KCNB2: variants seen among roughly 807,000 people sequenced by gnomAD.
The protein encoded by KCNB2 is delayed rectifier potassium channel protein.
A neutral mutation model predicts 61.5 loss-of-function variants in KCNB2; 15 were observed. The ratio of observed to expected loss-of-function variants is 0.24; its 90% CI spans 0.16 to 0.38. The LOEUF is 0.38. KCNB2 is among the 10% of genes least tolerant of loss of function. KCNB2 has a pLI of 1.00. For missense variants in KCNB2, 828 were observed against 1,125.2 expected (o/e 0.74, Z 3.78); for synonymous variants, 457 against 446.0 (o/e 1.02, Z -0.31).
intron 2 of KCNB2, among the ~76,000 whole-genome samples, chr8:72,808,773 A>G (rs1455801492): frequency 6.6e-6 from 1 of 152,078 alleles, no homozygotes; most frequent in East Asian, 1.9e-4. Context: ...CTCCTTATCT[A>G]TCTAGTTCAG....
At chr8:72,558,251 T>C (rs1217493674) in intron 1 of KCNB2, among the ~76,000 whole-genome samples, 1 of 152,236 alleles carries the variant, frequency 6.6e-6, no homozygotes, top group Non-Finnish European at 1.5e-5. Context: ...GCTTGCATGC[T>C]TGTAGAATAT....
At chr8:72,754,333 C>T (rs1260662476) in intron 2 of KCNB2, among the ~76,000 whole-genome samples, 1 of 152,186 alleles carries the variant, frequency 6.6e-6, no homozygotes, top group East Asian at 1.9e-4. Flanking sequence ...CTAGGTCTAA[C>T]TCAAGACATG....
At chr8:72,922,724 T>C (rs1391255805) in intron 2 of KCNB2, among the ~76,000 whole-genome samples, 2 of 152,194 alleles carry the variant, frequency 1.3e-5, no homozygotes, top group Non-Finnish European at 2.9e-5. Flanking sequence ...ACACAAACTT[T>C]GGAGGGACAT....
Position 72,937,502 on chromosome 8 carries a change from A to G in KCNB2, c.2147A>G (p.Lys716Arg). 6.2e-7 allele frequency: 1 copy of G among 1,613,954 alleles called. No individual in the cohort carries two copies. Among genetic ancestry groups the G allele is most frequent in the Non-Finnish European group, 8.5e-7 (1 of 1,179,974 alleles). The change falls in exon 3 of 3, where the codon AAA becomes AGA. Residue 716 changes from lysine to arginine, a missense_variant. Around this residue, in one of 4 missense-constraint regions of KCNB2, gnomAD observed 559 missense variants for 588.4 expected, o/e 0.95. Coordinates refer to ENST00000523207, the MANE Select transcript of KCNB2 (RefSeq NM_004770.3). ...AACCCACTAAAGTCCAGATCCCTCA[A>G]AGTGAACTTTAAGGAAAATAGAGGC... ...GSNPLKSRSL[K>R]VNFKENRGSA...
At chr8:72,680,824 G>A (rs1288748617) in intron 2 of KCNB2, among the ~76,000 whole-genome samples, 1 of 152,180 alleles carries the variant, frequency 6.6e-6, no homozygotes, top group Non-Finnish European at 1.5e-5. Flanking sequence ...TCACTACTAT[G>A]GGCTGCTGGG....
intron 2 of KCNB2, among the ~76,000 whole-genome samples, chr8:72,666,336 GA>G (rs57922558): frequency 0.25 from 38,033 of 151,912 alleles, 8,174 homozygotes; most frequent in African/African-American, 0.59. Flanking sequence ...TTAAAAGAGG[GA>G]AAAAAGGCCC....
chr8:72,628,752 A>T (rs1334708354), intron 2 of KCNB2, among the ~76,000 whole-genome samples: 1 of 152,196 alleles, frequency 6.6e-6, no homozygotes, highest in African/African-American at 2.4e-5. Flanking sequence ...ATTTGGGAAT[A>T]GGCCGAGCCC....
chr8:72,907,630 A>G (rs1352139322), intron 2 of KCNB2, among the ~76,000 whole-genome samples: 1 of 152,194 alleles, frequency 6.6e-6, no homozygotes, highest in Non-Finnish European at 1.5e-5. Context: ...ATTCTCTAAC[A>G]CAAAAATGTT....
intron 2 of KCNB2, among the ~76,000 whole-genome samples, chr8:72,901,548 C>T (rs1806093793): frequency 6.6e-6 from 1 of 151,848 alleles, no homozygotes; most frequent in African/African-American, 2.4e-5. Context: ...CCACTATAAT[C>T]TATGAAGATC....
chr8:72,920,465 C>A (rs57446749), intron 2 of KCNB2, among the ~76,000 whole-genome samples: 36,924 of 62,552 alleles, frequency 0.59, 12,168 homozygotes, highest in Non-Finnish European at 0.71. Flanking sequence ...ATCTATCTAT[C>A]TATCTATCTA....
chr8:72,825,284 A>C (rs1809578873), intron 2 of KCNB2, among the ~76,000 whole-genome samples: 1 of 152,168 alleles, frequency 6.6e-6, no homozygotes, highest in Non-Finnish European at 1.5e-5. Flanking sequence ...CATTTTGTCT[A>C]CCCATTCTTC....
At chr8:72,709,846 T>A (rs1027220380) in intron 2 of KCNB2, among the ~76,000 whole-genome samples, 1 of 152,170 alleles carries the variant, frequency 6.6e-6, no homozygotes, top group Non-Finnish European at 1.5e-5. Context: ...TGTTTCATGA[T>A]AATGAAGCCA....
chr8:72,660,634 T>C (rs1806363542), intron 2 of KCNB2: 1 of 152,238 alleles, frequency 6.6e-6, no homozygotes, highest in African/African-American at 2.4e-5. Context: ...GCTCTCAAAG[T>C]ATCACCATGA....
intron 2 of KCNB2, among the ~76,000 whole-genome samples, chr8:72,910,126 C>T (rs964784461): frequency 1.3e-5 from 2 of 152,190 alleles, no homozygotes; most frequent in African/African-American, 4.8e-5. Context: ...GGCTTGTACA[C>T]ATTACATTGC....
Position 72,938,096 on chromosome 8 carries a change from T to C in KCNB2, c.*5T>C. 1 of 1,568,706 alleles carries C rather than the reference T, an allele frequency of 6.4e-7. No homozygotes were observed. The highest frequency in any genetic ancestry group is 8.6e-7 in the Non-Finnish European group (1 of 1,156,230). On this transcript the variant is annotated 3_prime_UTR_variant, in exon 3 of 3. Coordinates refer to ENST00000523207, the MANE Select transcript of KCNB2 (RefSeq NM_004770.3). The stretch of plus-strand genomic sequence containing the variant: ...ACACGTGAAACCAGCATGTGACTAG[T>C]TACAAAAGCAATAAATTGAAACAAA...
At chr8:72,793,391 A>C (rs972952324) in intron 2 of KCNB2, among the ~76,000 whole-genome samples, 2 of 152,226 alleles carry the variant, frequency 1.3e-5, no homozygotes, top group Non-Finnish European at 2.9e-5. Flanking sequence ...AATGACAAGA[A>C]GGAGCCAGCC....
intron 2 of KCNB2, among the ~76,000 whole-genome samples, chr8:72,630,062 A>C (rs541216752): frequency 1.3e-5 from 2 of 152,290 alleles, no homozygotes; most frequent in Admixed American, 1.3e-4. Flanking sequence ...TGTTATAACC[A>C]GTTGTATGCT....
intron 2 of KCNB2, among the ~76,000 whole-genome samples, chr8:72,588,398 G>C (rs1185580081): frequency 6.6e-6 from 1 of 151,782 alleles, no homozygotes; most frequent in Non-Finnish European, 1.5e-5. Context: ...TGTATTTTTA[G>C]TAGAGACGGG....
intron 2 of KCNB2, among the ~76,000 whole-genome samples, chr8:72,911,732 G>T (rs180754900): frequency 6.6e-6 from 1 of 152,290 alleles, no homozygotes; most frequent in African/African-American, 2.4e-5. Flanking sequence ...TCTTTTCACA[G>T]GGCCATCTCT....
Sources: gnomAD v4.1 joint callset for allele counts (sites outside exome capture counted in the v4.1 genomes callset) on GRCh38, gnomAD v4.1.1 for gene constraint, gnomAD v4.1.1 regional missense constraint, MANE v1.5 for transcripts, NCBI Gene and HGNC (gene_info 2026-07-23, HGNC 2026-07-21) for gene names.